SHC3: variants seen among roughly 807,000 people sequenced by gnomAD.
SHC3 encodes SHC-transforming protein 3.
Under a neutral mutation model 60.4 loss-of-function variants are expected in SHC3, and 15 were observed. The observed-to-expected ratio is 0.25, with a 90% CI of 0.17 to 0.38. The LOEUF (loss-of-function observed/expected upper bound fraction) is 0.38, where lower values mean the gene tolerates loss of function less well. Ranked by LOEUF, SHC3 falls within the 10% of genes least tolerant of loss-of-function variation. The pLI, the probability that SHC3 is intolerant of heterozygous loss-of-function variation, is 1.00. For synonymous variants in SHC3, 294 were observed against 325.9 expected, an observed-to-expected ratio of 0.90 and a Z score of 1.05; for missense variants, 677 against 786.1, an observed-to-expected ratio of 0.86 and a Z score of 1.66.
intron 1 of SHC3, among the ~76,000 whole-genome samples, chr9:89,123,104 A>C (rs1343896564): frequency 2.6e-5 from 4 of 152,162 alleles, no homozygotes; most frequent in African/African-American, 9.7e-5. Context: ...CCTATTGCAC[A>C]TGCATGGGCT....
chr9:89,095,330 T>C (rs1825685718), intron 2 of SHC3, among the ~76,000 whole-genome samples: 1 of 152,208 alleles, frequency 6.6e-6, no homozygotes. Context: ...GAGGATATTA[T>C]GCGAACAGAA....
intron 11 of SHC3, among the ~76,000 whole-genome samples, chr9:89,034,936 C>G (rs1824547303): frequency 6.6e-6 from 1 of 152,116 alleles, no homozygotes; most frequent in Non-Finnish European, 1.5e-5. Flanking sequence ...TTGCTTCTAG[C>G]CCTCCTAGGC....
At chr9:89,099,224 T>C (rs1825748492) in intron 2 of SHC3, among the ~76,000 whole-genome samples, 1 of 152,186 alleles carries the variant, frequency 6.6e-6, no homozygotes, top group Admixed American at 6.5e-5. Flanking sequence ...TTCCTATCAC[T>C]TAGGCTTTTT....
At chr9:89,136,911 TCA>T (rs1280664215) in intron 1 of SHC3, among the ~76,000 whole-genome samples, 2 of 152,092 alleles carry the variant, frequency 1.3e-5, no homozygotes, top group African/African-American at 4.8e-5. Context: ...TTTAATTGAC[TCA>T]CAGTTTCACG....
intron 1 of SHC3, among the ~76,000 whole-genome samples, chr9:89,164,055 C>T (rs1564191442): frequency 6.6e-6 from 1 of 152,134 alleles, no homozygotes; most frequent in Non-Finnish European, 1.5e-5. Context: ...TTTAGGATTT[C>T]AACAGATTAA....
intron 11 of SHC3, among the ~76,000 whole-genome samples, chr9:89,034,406 T>C (rs796457647): frequency 2.6e-5 from 4 of 152,320 alleles, no homozygotes; most frequent in African/African-American, 9.6e-5. Flanking sequence ...CTGCAACCAG[T>C]GCAATCATTC....
rs540788767 is a variant in SHC3 at position 89,027,327 on chromosome 9, A to ATTTTTTTTT, written c.1656+10657_1656+10665dup. ...ACAACTAGTGATGGGTGAAATTCTG[A>ATTTTTTTTT]TTTTTTTTTTTTGAGACTGAGTCTC... is the stretch of plus-strand genomic sequence containing the variant. On this transcript the variant is annotated intron_variant, in intron 11 of 11. Coordinates refer to ENST00000375835, the MANE Select transcript of SHC3 (RefSeq NM_016848.6). Among the ~76,000 whole-genome samples the ATTTTTTTTT allele has an allele frequency of 3.4e-4, 44 of 130,370 alleles. 4 individuals are homozygous for ATTTTTTTTT. Among genetic ancestry groups the ATTTTTTTTT allele is most frequent in the Admixed American group, 1.3e-3 (17 of 13,274 alleles). The allele number at this position is 130,370 out of a possible 152,430, so 85.5% of individuals were successfully genotyped here.
intron 7 of SHC3, among the ~76,000 whole-genome samples, chr9:89,049,436 A>ATGAAG (rs1824827067): frequency 6.6e-6 from 1 of 152,226 alleles, no homozygotes; most frequent in Non-Finnish European, 1.5e-5. Context: ...TACATTATGT[A>ATGAAG]CACTGCCAGA....
At chr9:89,018,218 T>G (rs557223854) in intron 11 of SHC3, among the ~76,000 whole-genome samples, 1 of 152,298 alleles carries the variant, frequency 6.6e-6, no homozygotes, top group East Asian at 1.9e-4. Context: ...ACTGTTCACA[T>G]TAGCAAAGAC....
At position 89,052,041 on chromosome 9, in the gene SHC3, C is replaced by G; in HGVS notation, c.958G>C (p.Asp320His). 6.2e-7 allele frequency: 1 copy of G among 1,613,710 alleles called. No homozygotes were observed. The highest frequency in any genetic ancestry group is 8.5e-7 in the Non-Finnish European group (1 of 1,179,748). ...QCPTKIPALHDRMQSLDEPWT... is the reference protein window; with the variant it reads ...QCPTKIPALHHRMQSLDEPWT... ...TGGTGTCACAGCACTACTCACCGAT[C>G]ATGGAGAGCGGGAATCTTGGTAGGA... Residue 320 changes from aspartate to histidine, a missense_variant, in exon 7 of 12, where the codon GAT becomes CAT. Transcript: ENST00000375835.
intron 1 of SHC3, among the ~76,000 whole-genome samples, chr9:89,158,063 CT>C (rs1222754560): frequency 1.3e-5 from 2 of 150,748 alleles, no homozygotes; most frequent in South Asian, 2.1e-4. Context: ...TGCTTTAACC[CT>C]TTTTTTTAGT....
chr9:89,106,770 G>A (rs920672002), intron 2 of SHC3, among the ~76,000 whole-genome samples: 24 of 152,162 alleles, frequency 1.6e-4, no homozygotes, highest in African/African-American at 4.6e-4. Flanking sequence ...GATACCTTCG[G>A]TCTAACCAAG....
intron 1 of SHC3, among the ~76,000 whole-genome samples, chr9:89,125,331 T>C (rs1206097148): frequency 6.6e-6 from 1 of 152,172 alleles, no homozygotes; most frequent in East Asian, 1.9e-4. Context: ...CAAATCTTGG[T>C]TCTTTAATTG....
rs575361747 is a variant in SHC3, at chr9:89,126,074, G to A, written c.475-13448C>T. ...CACGTTCAGGCAACATCTTTCCTGC[G>A]AACCATGGAAGAGACTATACTAAAG... On this transcript the variant is annotated intron_variant, in intron 1 of 11. Coordinates refer to ENST00000375835, the MANE Select transcript of SHC3 (RefSeq NM_016848.6). Among the ~76,000 whole-genome samples, 30 of 152,182 alleles carry A rather than the reference G, an allele frequency of 2.0e-4. No individual in the cohort carries two copies. In the South Asian group the frequency reaches 5.4e-3, roughly 27 times the overall value.
rs1016024069 is a variant in SHC3 at position 89,008,259 on chromosome 9, A to G, written c.*5188T>C. 2.6e-5 allele frequency: 4 copies of G among 152,236 alleles called. No individual in the cohort carries two copies. The highest frequency in any genetic ancestry group is 4.4e-5 in the Non-Finnish European group (3 of 68,040). 9.4% of individuals were successfully genotyped at this position (152,236 alleles called of 1,614,324 possible). ...CAGCAATGGTTGCATGGAGTTATAA[A>G]TGCTTATTAATTCTCCACTTTTAAA... is the stretch of plus-strand genomic sequence containing the variant. On this transcript the variant is annotated 3_prime_UTR_variant, in exon 12 of 12. Transcript: ENST00000375835.
intron 5 of SHC3, among the ~76,000 whole-genome samples, chr9:89,066,440 A>G (rs1825182854): frequency 6.6e-6 from 1 of 152,240 alleles, no homozygotes; most frequent in Non-Finnish European, 1.5e-5. Context: ...ATCCTTCCAT[A>G]TGAAATGTGA....
intron 2 of SHC3, among the ~76,000 whole-genome samples, chr9:89,111,582 GA>G (rs201550869): frequency 0.023 from 3,080 of 134,406 alleles, 48 homozygotes; most frequent in Middle Eastern, 0.072. Flanking sequence ...TTAGGAAAGA[GA>G]AAAAAAAAAA....
intron 6 of SHC3, among the ~76,000 whole-genome samples, chr9:89,057,852 AGGTGT>A (rs1341455152): frequency 6.6e-6 from 1 of 152,174 alleles, no homozygotes; most frequent in Admixed American, 6.5e-5. Flanking sequence ...GAGTTTTTAC[AGGTGT>A]GGTTAAGTTA....
At chr9:89,115,671 G>GCACAGTGCATGTCAA (rs1826009698) in intron 1 of SHC3, among the ~76,000 whole-genome samples, 2 of 152,236 alleles carry the variant, frequency 1.3e-5, no homozygotes, top group African/African-American at 4.8e-5. Flanking sequence ...ATGATGAACT[G>GCACAGTGCATGTCAA]CACAGTGCAT....
Sources: allele counts gnomAD v4.1 joint callset (sites outside exome capture counted in the v4.1 genomes callset), GRCh38; gene constraint gnomAD v4.1.1; transcripts MANE v1.5; gene names NCBI Gene and HGNC (gene_info 2026-07-23, HGNC 2026-07-21).